The following EDA variants were observed in gnomAD, a reference collection of about 807,000 sequenced individuals.
EDA encodes the protein ectodysplasin A.
Under a neutral mutation model 23.6 loss-of-function variants are expected in EDA, and 2 were observed. The ratio of observed to expected loss-of-function variants is 0.08; its 90% CI spans 0.03 to 0.27. The LOEUF is 0.27. Ranked by LOEUF, EDA falls within the 10% of genes least tolerant of loss-of-function variation. The pLI, the probability that EDA is intolerant of heterozygous loss-of-function variation, is 1.00. For missense variants in EDA, 229 were observed against 324.2 expected (o/e 0.71, Z 2.26); for synonymous variants, 131 against 132.0 (o/e 0.99, Z 0.05).
chrX:69,856,711 ATT>A (rs368026991), intron 1 of EDA, among the ~76,000 whole-genome samples: 32,010 of 101,528 alleles, frequency 0.32, 4,660 homozygotes, highest in Middle Eastern at 0.57. Flanking sequence ...TGATGCGATT[ATT>A]TTTTTTTTTT....
intron 1 of EDA, among the ~76,000 whole-genome samples, chrX:69,748,156 G>A (rs1241556711): frequency 9.0e-6 from 1 of 111,196 alleles, no homozygotes; most frequent in Non-Finnish European, 1.9e-5. Flanking sequence ...GTTCAGGAGA[G>A]AATGGGAAAA....
intron 1 of EDA, among the ~76,000 whole-genome samples, chrX:69,906,939 A>G (rs1474369426): frequency 1.8e-5 from 2 of 112,385 alleles, no homozygotes; most frequent in Non-Finnish European, 3.8e-5. Flanking sequence ...TGCCTTGATG[A>G]CAGTTTCATT....
At chrX:69,780,820 C>T (rs2014919775) in intron 1 of EDA, among the ~76,000 whole-genome samples, 1 of 110,865 alleles carries the variant, frequency 9.0e-6, no homozygotes, top group South Asian at 4.0e-4. Flanking sequence ...CCATGTCTCC[C>T]ATACAGCCTG....
intron 1 of EDA, among the ~76,000 whole-genome samples, chrX:69,897,489 T>C (rs2018035170): frequency 8.9e-6 from 1 of 112,227 alleles, no homozygotes; most frequent in Non-Finnish European, 1.9e-5. Flanking sequence ...AGGTGTACTC[T>C]TCCATTTAAT....
At chrX:69,650,012 T>A (rs745633709) in intron 1 of EDA, among the ~76,000 whole-genome samples, 2 of 112,285 alleles carry the variant, frequency 1.8e-5, no homozygotes, top group Non-Finnish European at 3.8e-5. Flanking sequence ...TTTATTATAC[T>A]ATTTGTGTTC....
At chrX:69,723,753 G>A (rs184566330) in intron 1 of EDA, among the ~76,000 whole-genome samples, 1 of 112,009 alleles carries the variant, frequency 8.9e-6, no homozygotes, top group East Asian at 2.8e-4. Flanking sequence ...GAATGTGTTT[G>A]AATGTTTTCT....
At chrX:69,743,056 A>C (rs1458279143) in intron 1 of EDA, 1 of 111,055 alleles carries the variant, frequency 9.0e-6, no homozygotes. Context: ...GGTTAAGGCA[A>C]GTCACCTCAT....
intron 1 of EDA, among the ~76,000 whole-genome samples, chrX:69,845,227 C>G (rs1336806645): frequency 3.6e-5 from 4 of 112,229 alleles, no homozygotes; most frequent in Non-Finnish European, 7.5e-5. Flanking sequence ...TTGTGGATAA[C>G]CTTTCACATC....
At chrX:69,642,118 G>A (rs1223646098) in intron 1 of EDA, among the ~76,000 whole-genome samples, 4 of 110,600 alleles carry the variant, frequency 3.6e-5, no homozygotes, top group Non-Finnish European at 1.9e-5. Flanking sequence ...GGAGGAGGAA[G>A]AGGAGGAGGA....
intron 1 of EDA, among the ~76,000 whole-genome samples, chrX:69,776,438 T>C (rs907592717): frequency 1.3e-4 from 14 of 111,441 alleles, no homozygotes; most frequent in Non-Finnish European, 2.4e-4. Flanking sequence ...GTTTTATAAA[T>C]GGAAGTTCCC....
At chrX:69,955,806 C>T (rs1409566041) in intron 1 of EDA, among the ~76,000 whole-genome samples, 1 of 111,734 alleles carries the variant, frequency 8.9e-6, no homozygotes, top group Non-Finnish European at 1.9e-5. Flanking sequence ...GTAACTTGTT[C>T]CAGGTTATAC....
intron 1 of EDA, among the ~76,000 whole-genome samples, chrX:69,831,892 T>C (rs2016619435): frequency 8.9e-6 from 1 of 112,126 alleles, no homozygotes; most frequent in South Asian, 3.7e-4. Context: ...GCAGCTTTTT[T>C]TTTCTTGTAA....
chrX:69,794,798 T>G (rs146497974), intron 1 of EDA, among the ~76,000 whole-genome samples: 1 of 111,250 alleles, frequency 9.0e-6, no homozygotes, highest in Non-Finnish European at 1.9e-5. Context: ...AGAGAGAAAG[T>G]CATTATTTCT....
At position 69,734,865 on chromosome X, in the gene EDA, A is replaced by G. The variant is rs189780598; in HGVS notation, c.396+118161A>G. Among the ~76,000 whole-genome samples the G allele has an allele frequency of 8.0e-5, 9 of 111,835 alleles. No individual in the cohort carries two copies. The East Asian group carries it at 2.5e-3, about 31-fold the overall frequency. ...GATTACTGTTTTTTAAGAAACACAGAAAATAGCATGTGTTGGTGAGGATGT... is the reference window on the plus strand; with the variant it reads ...GATTACTGTTTTTTAAGAAACACAGGAAATAGCATGTGTTGGTGAGGATGT... On this transcript the variant is annotated intron_variant, in intron 1 of 7. Transcript: ENST00000374552.
chrX:69,748,560 A>C (rs139488687), intron 1 of EDA, among the ~76,000 whole-genome samples: 1 of 111,462 alleles, frequency 9.0e-6, no homozygotes, highest in Non-Finnish European at 1.9e-5. Context: ...TTTTTTTAAA[A>C]AAAGAAAAAA....
intron 1 of EDA, among the ~76,000 whole-genome samples, chrX:69,949,342 A>G (rs1252559785): frequency 8.9e-6 from 1 of 111,992 alleles, no homozygotes; most frequent in Admixed American, 9.4e-5. Context: ...GTCTAAAGGT[A>G]ATGAACCGAT....
intron 1 of EDA, among the ~76,000 whole-genome samples, chrX:69,909,203 A>G (rs1431099319): frequency 9.0e-6 from 1 of 111,725 alleles, no homozygotes; most frequent in Non-Finnish European, 1.9e-5. Flanking sequence ...TTAAAGGCAT[A>G]TTCAATTAGT....
intron 1 of EDA, among the ~76,000 whole-genome samples, chrX:69,790,441 C>T (rs988119054): frequency 9.0e-6 from 1 of 111,132 alleles, no homozygotes. Context: ...TTTATTTAAT[C>T]TTAGTTCAAT....
chrX:69,718,898 G>C (rs759052782), intron 1 of EDA, among the ~76,000 whole-genome samples: 55 of 111,452 alleles, frequency 4.9e-4, no homozygotes, highest in African/African-American at 1.8e-3. Flanking sequence ...TTAATGATTG[G>C]TGGAATTCAC....
Sources: allele counts gnomAD v4.1 joint callset (sites outside exome capture counted in the v4.1 genomes callset), GRCh38; gene constraint gnomAD v4.1.1; transcripts MANE v1.5; gene names NCBI Gene and HGNC (gene_info 2026-07-23, HGNC 2026-07-21).